Variants in CARMIL1 observed in about 807,000 individuals in gnomAD.
CARMIL1 encodes capping protein regulator and myosin 1 linker 1.
In CARMIL1, 90 loss-of-function variants were observed where a neutral mutation model predicts 177.1. That is an observed-to-expected ratio of 0.51 (90% CI 0.43 to 0.61). CARMIL1 has a LOEUF of 0.61. CARMIL1 is among the 20% of genes least tolerant of loss of function. The pLI is 0.00. For missense variants in CARMIL1, 1,380 were observed against 1,667.0 expected (o/e 0.83, Z 3.00); for synonymous variants, 577 against 606.2 (o/e 0.95, Z 0.71).
chr6:25,479,465 A>T (rs950740691), intron 11 of CARMIL1, among the ~76,000 whole-genome samples: 5 of 152,312 alleles, frequency 3.3e-5, no homozygotes, highest in Admixed American at 6.5e-5. Flanking sequence ...AGATGTGTTT[A>T]TACCCTCGAG....
intron 33 of CARMIL1, among the ~76,000 whole-genome samples, chr6:25,601,261 C>T (rs913956488): frequency 2.0e-5 from 3 of 152,200 alleles, no homozygotes; most frequent in Non-Finnish European, 4.4e-5. Context: ...CTCACTTTGG[C>T]CTGAGGGTCA....
rs556807987 is a variant in CARMIL1, at chr6:25,526,429, A to T, written c.1969-2366A>T. Among the ~76,000 whole-genome samples the T allele has an allele frequency of 1.2e-3, 176 of 151,420 alleles. 1 individual carries two copies. Among genetic ancestry groups the T allele is most frequent in the African/African-American group, 3.8e-3 (156 of 41,336 alleles). On this transcript the variant is annotated intron_variant, in intron 23 of 36. Coordinates refer to ENST00000329474, the MANE Select transcript of CARMIL1 (RefSeq NM_017640.6). ...TGCTTTGTTAATAAAAAAATAGGTGACTTTAAAGCTTATATTTATTGGTTT... is the reference window on the plus strand; with the variant it reads ...TGCTTTGTTAATAAAAAAATAGGTGTCTTTAAAGCTTATATTTATTGGTTT...
Position 25,510,748 on chromosome 6 carries a change from C to G in CARMIL1, c.1618C>G (p.Gln540Glu). ...PVLDNLVQMIQDEESPLQSLS... is the reference protein window; with the variant it reads ...PVLDNLVQMIEDEESPLQSLS... The stretch of plus-strand genomic sequence containing the variant: ...ATTGGACAACTTAGTACAGATGATT[C>G]AAGATGAAGAATCAGTGAGTATTAT... The change falls in exon 20 of 37, where the codon CAA becomes GAA. Residue 540 changes from glutamine to glutamate, a missense_variant. Coordinates refer to ENST00000329474, the MANE Select transcript of CARMIL1 (RefSeq NM_017640.6). 1 of 1,540,576 alleles carries G rather than the reference C, an allele frequency of 6.5e-7. No homozygotes were observed.
At chr6:25,442,499 C>T (rs1270461284) in intron 5 of CARMIL1, among the ~76,000 whole-genome samples, 1 of 151,150 alleles carries the variant, frequency 6.6e-6, no homozygotes, top group African/African-American at 2.4e-5. Context: ...TGTGTGTGAG[C>T]TGGTGCCCGG....
intron 2 of CARMIL1, among the ~76,000 whole-genome samples, chr6:25,375,124 G>A (rs1192382101): frequency 6.6e-6 from 1 of 152,096 alleles, no homozygotes; most frequent in African/African-American, 2.4e-5. Context: ...TTCTATTCTG[G>A]TGCATATCAA....
chr6:25,347,358 T>C (rs6456670), intron 2 of CARMIL1, among the ~76,000 whole-genome samples: 10,726 of 152,264 alleles, frequency 0.07, 891 homozygotes, highest in African/African-American at 0.19. Context: ...AACAGCCCAT[T>C]GATCTCCTGC....
chr6:25,361,792 A>G (rs114045427), intron 2 of CARMIL1, among the ~76,000 whole-genome samples: 50 of 152,252 alleles, frequency 3.3e-4, no homozygotes, highest in African/African-American at 1.1e-3. Flanking sequence ...TGGCTTTATA[A>G]GAAGAGAGAC....
At position 25,309,922 on chromosome 6, in the gene CARMIL1, A is replaced by G. The variant is rs1297361876; in HGVS notation, c.138+25013A>G. Among the ~76,000 whole-genome samples the G allele has an allele frequency of 3.9e-5, 6 of 151,974 alleles. No homozygotes were observed. In the East Asian group the frequency reaches 1.2e-3, roughly 29 times the overall value. On this transcript the variant is annotated intron_variant, in intron 2 of 36. Transcript: ENST00000329474. ...GTAGTTGGGATTACAGGTGCACGCC[A>G]CCGCACCCGGCTAATTTTTGTATTT...
In CARMIL1 at chr6:25,523,717, G is replaced by A. The variant is rs185671392; in HGVS notation, c.1968+3380G>A. Among the ~76,000 whole-genome samples, 30 of 152,282 alleles carry A rather than the reference G, an allele frequency of 2.0e-4. 1 individual carries two copies. The East Asian group carries it at 4.2e-3, about 22-fold the overall frequency. ...AAAACCAATGACTTTTCTTAGATCTGTCAAAGAACTTAAGCCACAAGGAAA... is the reference window on the plus strand; with the variant it reads ...AAAACCAATGACTTTTCTTAGATCTATCAAAGAACTTAAGCCACAAGGAAA... On this transcript the variant is annotated intron_variant, in intron 23 of 36. Coordinates refer to ENST00000329474, the MANE Select transcript of CARMIL1 (RefSeq NM_017640.6).
rs935173957 is a variant in CARMIL1, at chr6:25,349,048, A to G, written c.138+64139A>G. On this transcript the variant is annotated intron_variant, in intron 2 of 36. Transcript: ENST00000329474. ...GAATTTAAATTTGACAGTAATTTGT[A>G]TTAATTCCTTCCTTCCTTCATTCAT... Among the ~76,000 whole-genome samples, 14 of 152,192 alleles carry G rather than the reference A, an allele frequency of 9.2e-5. 1 individual carries two copies. Among genetic ancestry groups the G allele is most frequent in the Admixed American group, 9.2e-4 (14 of 15,284 alleles).
chr6:25,313,388 C>G (rs1783997253), intron 2 of CARMIL1, among the ~76,000 whole-genome samples: 1 of 152,142 alleles, frequency 6.6e-6, no homozygotes, highest in African/African-American at 2.4e-5. Context: ...TGCCCATAGG[C>G]CTGGCTGTTT....
At chr6:25,487,841 T>C (rs1802814336) in intron 12 of CARMIL1, among the ~76,000 whole-genome samples, 1 of 152,218 alleles carries the variant, frequency 6.6e-6, no homozygotes, top group Non-Finnish European at 1.5e-5. Flanking sequence ...TTTTCTGAGG[T>C]GAATTTGTCA....
intron 2 of CARMIL1, among the ~76,000 whole-genome samples, chr6:25,363,118 A>G (rs1789410498): frequency 6.6e-6 from 1 of 152,172 alleles, no homozygotes; most frequent in African/African-American, 2.4e-5. Flanking sequence ...TACCTGACCA[A>G]TGTAGAATGA....
At chr6:25,506,183 T>G (rs1230861761) in intron 17 of CARMIL1, among the ~76,000 whole-genome samples, 2 of 152,230 alleles carry the variant, frequency 1.3e-5, no homozygotes, top group Non-Finnish European at 2.9e-5. Context: ...AATGCAGAAT[T>G]GCAAATGTTC....
intron 2 of CARMIL1, among the ~76,000 whole-genome samples, chr6:25,365,036 C>CT (rs1285314558): frequency 6.6e-6 from 1 of 152,192 alleles, no homozygotes; most frequent in Non-Finnish European, 1.5e-5. Context: ...CACAGTTCTC[C>CT]TTTTCTCTTC....
intron 2 of CARMIL1, among the ~76,000 whole-genome samples, chr6:25,347,767 A>G (rs998769301): frequency 6.6e-6 from 1 of 152,364 alleles, no homozygotes; most frequent in South Asian, 2.1e-4. Flanking sequence ...ACTATTAACT[A>G]AACTGCAGAC....
At chr6:25,479,642 T>A (rs149770388) in intron 11 of CARMIL1, among the ~76,000 whole-genome samples, 1,928 of 152,276 alleles carry the variant, frequency 0.013, 31 homozygotes, top group African/African-American at 0.037. Context: ...TTATGGCTGC[T>A]ATCTATTTAA....
intron 2 of CARMIL1, among the ~76,000 whole-genome samples, chr6:25,367,843 C>G (rs1270856334): frequency 6.6e-6 from 1 of 152,182 alleles, no homozygotes; most frequent in Non-Finnish European, 1.5e-5. Flanking sequence ...ACTGCAGCTT[C>G]TGCCTCCCAG....
intron 26 of CARMIL1, among the ~76,000 whole-genome samples, chr6:25,542,003 A>C (rs931672206): frequency 1.1e-4 from 16 of 152,224 alleles, no homozygotes; most frequent in African/African-American, 3.9e-4. Context: ...TGATGCATCA[A>C]ATAATTTCAT....
Sources: allele counts gnomAD v4.1 joint callset (sites outside exome capture counted in the v4.1 genomes callset), GRCh38; gene constraint gnomAD v4.1.1; transcripts MANE v1.5; gene names NCBI Gene and HGNC (gene_info 2026-07-23, HGNC 2026-07-21).